Variants in ABCC6 observed in about 807,000 individuals in gnomAD.
ABCC6 encodes the protein ATP-binding cassette sub-family C member 6.
ABCC6 carries 126 observed loss-of-function variants against 169.5 expected under a neutral mutation model. That is an observed-to-expected ratio of 0.74 (90% CI 0.64 to 0.86). ABCC6 has a LOEUF of 0.86. Among genes scored for constraint, ABCC6 ranks in the 40% least tolerant of loss-of-function variants. ABCC6 has a pLI of 0.00. For missense variants in ABCC6, 1,733 were observed against 1,927.2 expected (o/e 0.90, Z 1.89); for synonymous variants, 752 against 814.7 (o/e 0.92, Z 1.31).
rs1195703585 is a variant in ABCC6 at position 16,163,334 on chromosome 16, G to C, written c.3307-142C>G. 5 of 760,822 alleles carry C rather than the reference G, an allele frequency of 6.6e-6. No homozygotes were observed. The African/African-American group carries it at 7.0e-5, about 11-fold the overall frequency. The allele number at this position is 760,822 out of a possible 1,614,324, so 47.1% of individuals were successfully genotyped here. ...CTGTGTGACCTTGGGCTAGTTGCTT[G>C]CCCTCTCTGGGTTCTCATTTCCTTG... On this transcript the variant is annotated intron_variant, in intron 23 of 30. Coordinates refer to ENST00000205557, the MANE Select transcript of ABCC6 (RefSeq NM_001171.6).
At chr16:16,151,284 ACT>A (rs1035685051) in intron 29 of ABCC6, among the ~76,000 whole-genome samples, 27 of 149,674 alleles carry the variant, frequency 1.8e-4, no homozygotes, top group Non-Finnish European at 3.3e-4. Context: ...CTTGTTTGAA[ACT>A]CTCAGGTGAT....
chr16:16,198,201 GA>G lies in ABCC6; in HGVS notation c.1177-20del. On this transcript the variant is annotated intron_variant, in intron 9 of 30. Transcript: ENST00000205557. ...CCAGGACCTGGCGGGTGGGCAGAAGGAGAGAAGTAAAGTGGGGAGGCCGGGG... is the reference window on the plus strand; with the variant it reads ...CCAGGACCTGGCGGGTGGGCAGAAGGGAGAAGTAAAGTGGGGAGGCCGGGG... 7 of 1,573,544 alleles carry G rather than the reference GA, an allele frequency of 4.4e-6. No homozygotes were observed. Among genetic ancestry groups the G allele is most frequent in the Non-Finnish European group, 6.0e-6 (7 of 1,158,618 alleles).
chr16:16,176,436 A>G (rs1188882895), intron 19 of ABCC6, among the ~76,000 whole-genome samples: 1 of 152,216 alleles, frequency 6.6e-6, no homozygotes, highest in East Asian at 1.9e-4. Flanking sequence ...GTTTAACCAC[A>G]GACCTGTAAG....
intron 21 of ABCC6, among the ~76,000 whole-genome samples, chr16:16,172,100 TA>T (rs1377787990): frequency 7.2e-6 from 1 of 138,950 alleles, no homozygotes; most frequent in African/African-American, 2.8e-5. Flanking sequence ...GTGGGATGGC[TA>T]AATGAGTGGG....
At chr16:16,194,316 T>G (rs925196655) in intron 10 of ABCC6, among the ~76,000 whole-genome samples, 5 of 152,264 alleles carry the variant, frequency 3.3e-5, no homozygotes, top group Non-Finnish European at 7.3e-5. Flanking sequence ...GAATGCCCAG[T>G]TACATTTGAA....
chr16:16,193,087 A>T (rs548403114), intron 10 of ABCC6, among the ~76,000 whole-genome samples, 165 bp from the exon 11 acceptor site: 104 of 152,270 alleles, frequency 6.8e-4, no homozygotes, highest in Non-Finnish European at 2.4e-4. Flanking sequence ...ACAGGATGAG[A>T]TAGGAGGTCG....
Position 16,198,087 on chromosome 16 carries a change from G to A in ABCC6, c.1272C>T (p.Val424=), listed in dbSNP as rs781169048. Residue 424 remains valine (V), a synonymous_variant, in exon 10 of 31, where the codon GTC becomes GTT. Transcript: ENST00000205557. ...GCAGCCACAGCCCGTTGAGGTAGAG[G>A]ACGCTCTCGGTCAGCCGCTGCACGT... ...SVDVQRLTES[V]LYLNGLWLPL... is the part of the protein sequence containing the mutation. 3.7e-6 allele frequency: 6 copies of A among 1,613,902 alleles called. No individual in the cohort carries two copies. The Admixed American group carries it at 6.7e-5, about 18-fold the overall frequency.
intron 26 of ABCC6, among the ~76,000 whole-genome samples, chr16:16,158,565 T>C (rs1252114806): frequency 6.6e-6 from 1 of 152,200 alleles, no homozygotes; most frequent in African/African-American, 2.4e-5. Flanking sequence ...AATTCTTCCT[T>C]GTTCTGTTAC....
rs1209359917 is a variant in ABCC6 at position 16,169,782 on chromosome 16, G to A, written c.2859C>T (p.Leu953=). The stretch of plus-strand genomic sequence containing the variant: ...AGGAGGCCACTTGCTGGCAGAGGAA[G>A]AGGAAGAGTGCGTAGAGGCAGAGGG... ...GTPLCLYALF[L]FLCQQVASFC... is the part of the protein sequence containing the mutation. The change falls in exon 22 of 31, where the codon CTC becomes CTT. Residue 953 remains leucine (L), a synonymous_variant. Transcript: ENST00000205557. 6 of 1,587,958 alleles carry A rather than the reference G, an allele frequency of 3.8e-6. No individual in the cohort carries two copies. The East Asian group carries it at 1.1e-4, about 30-fold the overall frequency.
chr16:16,197,912 C>G, intron 10 of ABCC6, 109 bp downstream of exon 10: 1 of 1,319,518 alleles, frequency 7.6e-7, no homozygotes, highest in Non-Finnish European at 1.1e-6. Context: ...CCTCTTCCAG[C>G]CTCTTGAATG....
chr16:16,161,991 TAGTG>T (rs1006420727), intron 24 of ABCC6, among the ~76,000 whole-genome samples: 2 of 151,980 alleles, frequency 1.3e-5, no homozygotes, highest in African/African-American at 4.8e-5. Flanking sequence ...GTTCTCGAGA[TAGTG>T]AGTTCTCACA....
intron 17 of ABCC6, among the ~76,000 whole-genome samples, chr16:16,179,270 C>T (rs2047393984): frequency 6.6e-6 from 1 of 152,190 alleles, no homozygotes; most frequent in South Asian, 2.1e-4. Context: ...TCTTGTTTCC[C>T]TTTCTCCACT....
chr16:16,160,227 G>T (rs1596601637), intron 25 of ABCC6, among the ~76,000 whole-genome samples: 1 of 152,126 alleles, frequency 6.6e-6, no homozygotes, highest in Non-Finnish European at 1.5e-5. Flanking sequence ...TTCCCTCACT[G>T]CCACCCAACA....
At chr16:16,156,067 C>T (rs2046544044) in intron 27 of ABCC6, among the ~76,000 whole-genome samples, 1 of 152,194 alleles carries the variant, frequency 6.6e-6, no homozygotes, top group Non-Finnish European at 1.5e-5. Context: ...AGGTGCCTGT[C>T]ACCATGCTCG....
chr16:16,175,964 G>A lies in ABCC6; in HGVS notation c.2613C>T (p.Thr871=). 2 of 1,614,110 alleles carry A rather than the reference G, an allele frequency of 1.2e-6. No individual in the cohort carries two copies. The highest frequency in any genetic ancestry group is 1.7e-6 in the Non-Finnish European group (2 of 1,180,016). ...CTGCAGAGGTGCCTCTGGGGTCCTT[G>A]GTGCTGGTCCCAGGTTCTGTTTCTG... ...GEGETEPGTS[T]KDPRGTSAGR... is the part of the protein sequence containing the mutation. The change falls in exon 20 of 31, where the codon ACC becomes ACT. Residue 871 remains threonine, a synonymous_variant. Transcript: ENST00000205557.
At chr16:16,208,884 A>C (rs1319594561) in intron 6 of ABCC6, 25 bp from the exon 7 acceptor site, 1 of 1,613,254 alleles carries the variant, frequency 6.2e-7, no homozygotes, top group East Asian at 2.2e-5. Flanking sequence ...CACCAGGGAA[A>C]GCTTTTCCTG....
chr16:16,214,588 T>C, intron 4 of ABCC6, 139 bp from the exon 5 acceptor site: 2 of 1,453,192 alleles, frequency 1.4e-6, no homozygotes, highest in East Asian at 2.5e-5. Flanking sequence ...CTGGCTTTCC[T>C]AGTGGTTCTA....
chr16:16,185,399 T>C (rs1202520656), intron 14 of ABCC6, among the ~76,000 whole-genome samples: 1 of 152,360 alleles, frequency 6.6e-6, no homozygotes, highest in Non-Finnish European at 1.5e-5. Context: ...GCCTAAAATA[T>C]GCACAATCTG....
chr16:16,166,175 G>A (rs1188430982), intron 22 of ABCC6, among the ~76,000 whole-genome samples: 1 of 152,100 alleles, frequency 6.6e-6, no homozygotes, highest in African/African-American at 2.4e-5. Context: ...CTCACCCTCC[G>A]AGTAGCTGGG....
Sources: allele counts gnomAD v4.1 joint callset (sites outside exome capture counted in the v4.1 genomes callset), GRCh38; gene constraint gnomAD v4.1.1; transcripts MANE v1.5; gene names NCBI Gene and HGNC (gene_info 2026-07-23, HGNC 2026-07-21).